EYS: variants seen among roughly 807,000 people sequenced by gnomAD.
The protein encoded by EYS is protein eyes shut homolog.
In EYS, 250 loss-of-function variants were observed where a neutral mutation model predicts 282.1. That is an observed-to-expected ratio of 0.89 (90% CI 0.80 to 0.98). The LOEUF is 0.98. Ranked by LOEUF, EYS falls within the 50% of genes least tolerant of loss-of-function variation. The pLI, the probability that EYS is intolerant of heterozygous loss-of-function variation, is 0.00. For synonymous variants in EYS, 1,355 were observed against 1,282.9 expected (o/e 1.06, Z -1.20); for missense variants, 4,016 against 3,709.0 (o/e 1.08, Z -2.15).
chr6:65,495,239 A>T lies in EYS; in HGVS notation c.172T>A (p.Trp58Arg). The change falls in exon 4 of 43, where the codon TGG becomes AGG. Residue 58 changes from tryptophan (W) to arginine (R), a missense_variant. Transcript: ENST00000503581. ...NICLDFYRDCWFLGVNTKIDT... is the reference protein window; with the variant it reads ...NICLDFYRDCRFLGVNTKIDT... ...ATTTTAGTGTTTACACCCAAAAACC[A>T]GCAATCTCTGTAGAAGTCCAAGCAG... The T allele has an allele frequency of 6.2e-7, 1 of 1,614,212 alleles. No individual in the cohort carries two copies. Among genetic ancestry groups the T allele is most frequent in the Non-Finnish European group, 8.5e-7 (1 of 1,180,038 alleles).
intron 35 of EYS, among the ~76,000 whole-genome samples, chr6:63,919,838 C>G (rs906648990): frequency 2.0e-5 from 3 of 152,224 alleles, no homozygotes; most frequent in African/African-American, 7.2e-5. Flanking sequence ...GCTGCAGCAG[C>G]AGTTTCATCT....
At chr6:65,639,473 C>T (rs1767206492) in intron 2 of EYS, among the ~76,000 whole-genome samples, 1 of 152,072 alleles carries the variant, frequency 6.6e-6, no homozygotes, top group East Asian at 1.9e-4. Flanking sequence ...AAATGCATCT[C>T]TTTCTCTTTC....
At chr6:65,404,161 C>T (rs1766627888) in intron 6 of EYS, among the ~76,000 whole-genome samples, 1 of 151,922 alleles carries the variant, frequency 6.6e-6, no homozygotes, top group African/African-American at 2.4e-5. Flanking sequence ...CATTTATGGT[C>T]CCTTCCTCCA....
chr6:65,154,025 G>T (rs2150217116), intron 12 of EYS, among the ~76,000 whole-genome samples: 1 of 151,812 alleles, frequency 6.6e-6, no homozygotes, highest in East Asian at 2.0e-4. Context: ...CCACTCAGCT[G>T]GTGTCCATCA....
chr6:64,340,654 C>A (rs540759349), intron 29 of EYS, among the ~76,000 whole-genome samples: 55 of 151,884 alleles, frequency 3.6e-4, no homozygotes, highest in African/African-American at 1.3e-3. Flanking sequence ...TGGACATCAA[C>A]CTTGGCAAAG....
At chr6:65,485,770 C>T (rs1310363453) in intron 5 of EYS, among the ~76,000 whole-genome samples, 2 of 151,784 alleles carry the variant, frequency 1.3e-5, no homozygotes, top group Non-Finnish European at 2.9e-5. Context: ...CACCACTGCA[C>T]TCCAACCTGG....
intron 8 of EYS, among the ~76,000 whole-genome samples, chr6:65,377,771 A>T (rs192797958): frequency 6.6e-6 from 1 of 152,238 alleles, no homozygotes; most frequent in Admixed American, 6.6e-5. Context: ...AAAACAAAAC[A>T]AAAACTAGAA....
intron 36 of EYS, among the ~76,000 whole-genome samples, chr6:63,861,434 T>C (rs908570774): frequency 2.0e-5 from 3 of 152,226 alleles, no homozygotes; most frequent in Non-Finnish European, 4.4e-5. Context: ...TTAGAGATAA[T>C]ACCATCAGAA....
chr6:64,746,257 A>G (rs775160008), intron 22 of EYS, among the ~76,000 whole-genome samples: 1 of 152,024 alleles, frequency 6.6e-6, no homozygotes, highest in Non-Finnish European at 1.5e-5. Flanking sequence ...TTCCATCCTC[A>G]TAAGTGGATT....
chr6:64,070,443 A>G (rs1346178950), intron 32 of EYS, among the ~76,000 whole-genome samples: 1 of 152,100 alleles, frequency 6.6e-6, no homozygotes, highest in African/African-American at 2.4e-5. Context: ...TTTTTCCAAA[A>G]TTCTAATTTT....
At chr6:64,597,297 A>G (rs1766617577) in intron 24 of EYS, among the ~76,000 whole-genome samples, 1 of 152,222 alleles carries the variant, frequency 6.6e-6, no homozygotes, top group South Asian at 2.1e-4. Context: ...CTCTATGGAA[A>G]ACAGTATGGA....
chr6:64,462,954 T>TG lies in EYS; in HGVS notation c.5645-23603_5645-23602insC, dbSNP rs1775797972. Among the ~76,000 whole-genome samples, 22 of 147,838 alleles carry TG rather than the reference T, an allele frequency of 1.5e-4. No individual in the cohort carries two copies. In the South Asian group the frequency reaches 4.8e-3, roughly 32 times the overall value. ...ATTCTCAGCTTTAATTTTTTTTTTT[T>TG]TTTTTTTTTGAGATGAAGTCTCGCT... On this transcript the variant is annotated intron_variant, in intron 26 of 42. Transcript: ENST00000503581.
At chr6:64,469,330 T>A (rs1238101838) in intron 26 of EYS, among the ~76,000 whole-genome samples, 1 of 152,104 alleles carries the variant, frequency 6.6e-6, no homozygotes, top group Admixed American at 6.5e-5. Flanking sequence ...CACCAGCTGT[T>A]CCAGTATAAT....
chr6:64,711,085 C>T (rs1378106781), intron 22 of EYS, among the ~76,000 whole-genome samples: 1 of 152,080 alleles, frequency 6.6e-6, no homozygotes, highest in Non-Finnish European at 1.5e-5. Flanking sequence ...CTCATCTTGA[C>T]AAGACATGAA....
chr6:63,911,480 A>G (rs999274486), intron 35 of EYS, among the ~76,000 whole-genome samples: 2 of 151,982 alleles, frequency 1.3e-5, no homozygotes, highest in Non-Finnish European at 2.9e-5. Context: ...TGTATTCAGA[A>G]CTCCCACTGA....
At chr6:64,194,601 G>T (rs908120412) in intron 31 of EYS, among the ~76,000 whole-genome samples, 2 of 151,876 alleles carry the variant, frequency 1.3e-5, no homozygotes, top group South Asian at 2.1e-4. Context: ...TAATATAATT[G>T]CATTTTAGTC....
At chr6:63,960,247 A>G (rs1766000176) in intron 35 of EYS, among the ~76,000 whole-genome samples, 1 of 152,170 alleles carries the variant, frequency 6.6e-6, no homozygotes, top group Non-Finnish European at 1.5e-5. Flanking sequence ...AGGGTTCGGG[A>G]CTTCAGTGGA....
chr6:64,225,698 AG>A (rs1766233039), intron 31 of EYS, among the ~76,000 whole-genome samples: 1 of 152,124 alleles, frequency 6.6e-6, no homozygotes, highest in Non-Finnish European at 1.5e-5. Context: ...CATAGTTATA[AG>A]TATGAGAATA....
intron 29 of EYS, among the ~76,000 whole-genome samples, chr6:64,349,907 T>A (rs1206576560): frequency 2.0e-5 from 3 of 151,500 alleles, no homozygotes; most frequent in Non-Finnish European, 4.4e-5. Flanking sequence ...AAGTCAGCAA[T>A]AAAAATAAAT....
Sources: allele counts gnomAD v4.1 joint callset (sites outside exome capture counted in the v4.1 genomes callset), GRCh38; gene constraint gnomAD v4.1.1; transcripts MANE v1.5; gene names NCBI Gene and HGNC (gene_info 2026-07-23, HGNC 2026-07-21).